The following ITPR1 variants were observed in gnomAD, a reference collection of about 807,000 sequenced individuals.
ITPR1 encodes the protein inositol 1,4,5-trisphosphate-gated calcium channel ITPR1.
In ITPR1, 96 loss-of-function variants were observed where a neutral mutation model predicts 318.4. That is an observed-to-expected ratio of 0.30 (90% confidence interval 0.26 to 0.36). The LOEUF (loss-of-function observed/expected upper bound fraction) is 0.36. Among genes scored for constraint, ITPR1 ranks in the 10% least tolerant of loss-of-function variants. ITPR1 has a pLI of 1.00. For missense variants in ITPR1, 2,440 were observed against 3,460.2 expected, an observed-to-expected ratio of 0.71 and a Z score of 7.40; for synonymous variants, 1,312 against 1,289.9, an observed-to-expected ratio of 1.02 and a Z score of -0.37.
At chr3:4,839,302 G>A (rs2051165481) in intron 61 of ITPR1, among the ~76,000 whole-genome samples, 1 of 151,966 alleles carries the variant, frequency 6.6e-6, no homozygotes, top group East Asian at 1.9e-4. Flanking sequence ...ACTCCAGCCT[G>A]GGCAACAAGA....
In ITPR1 at chr3:4,726,091, A is replaced by ACAACCTTGGCT. The variant is rs562501108; in HGVS notation, c.5172+513_5172+523dup. 4.5e-4 allele frequency among the ~76,000 whole-genome samples: 68 copies of ACAACCTTGGCT among 152,296 alleles called. 1 individual carries two copies. In the East Asian group the frequency reaches 0.013, roughly 29 times the overall value. ...GTCACCCAGGCTGGAGTGCAGTGGC[A>ACAACCTTGGCT]CAACCTTGGCTCACTGCAACCTCTG... On this transcript the variant is annotated intron_variant, in intron 41 of 61. Coordinates refer to ENST00000649015, the MANE Select transcript of ITPR1 (RefSeq NM_001378452.1).
intron 60 of ITPR1, among the ~76,000 whole-genome samples, chr3:4,828,498 C>T (rs1005731770): frequency 6.6e-6 from 1 of 152,146 alleles, no homozygotes; most frequent in Non-Finnish European, 1.5e-5. Context: ...CCGGCCCCAC[C>T]TTTTTCTCCT....
chr3:4,524,097 G>C (rs917092294), intron 4 of ITPR1, among the ~76,000 whole-genome samples: 2 of 152,174 alleles, frequency 1.3e-5, no homozygotes, highest in African/African-American at 4.8e-5. Flanking sequence ...TCTGCTGCAG[G>C]CTTTGGGAAT....
At chr3:4,629,966 G>A (rs991940432) in intron 5 of ITPR1, among the ~76,000 whole-genome samples, 2 of 152,182 alleles carry the variant, frequency 1.3e-5, no homozygotes, top group East Asian at 3.9e-4. Context: ...GAATAATGAT[G>A]ATTATATCAG....
rs2041250168 is a variant in ITPR1 at position 4,710,204 on chromosome 3, C to G, written c.4843-121C>G. The G allele has an allele frequency of 3.3e-6, 3 of 904,116 alleles. No individual in the cohort carries two copies. The highest frequency in any genetic ancestry group is 3.1e-6 in the Non-Finnish European group (2 of 646,844). 56.0% of individuals were successfully genotyped at this position (904,116 alleles called of 1,614,324 possible). On this transcript the variant is annotated intron_variant, in intron 37 of 61. Coordinates refer to ENST00000649015, the MANE Select transcript of ITPR1 (RefSeq NM_001378452.1). This position sits in a 1 kb window ranked among gnomAD's most constrained non-coding sequence, Gnocchi z 4.2. ...TAATAATTTGAGATGCCAGACGGTA[C>G]TAAAGTTACTCTAACCTAGCCTACC...
intron 18 of ITPR1, among the ~76,000 whole-genome samples, chr3:4,667,983 T>C (rs903317635): frequency 9.2e-5 from 14 of 152,148 alleles, no homozygotes; most frequent in African/African-American, 3.1e-4. Context: ...ACATGAGATG[T>C]TTTGATGTAG....
At position 4,605,930 on chromosome 3, in the gene ITPR1, A is replaced by G. The variant is rs79561534; in HGVS notation, c.164-21833A>G. The stretch of plus-strand genomic sequence containing the variant: ...GGAGTGGGGCCGACATCAGACAGGA[A>G]AGAGAGAAGGGATCGTGGGGAGGAA... On this transcript the variant is annotated intron_variant, in intron 4 of 61. Coordinates refer to ENST00000649015, the MANE Select transcript of ITPR1 (RefSeq NM_001378452.1). Among the ~76,000 whole-genome samples, 171 of 152,242 alleles carry G rather than the reference A, an allele frequency of 1.1e-3. 1 individual carries two copies. In the East Asian group the frequency reaches 0.027, roughly 24 times the overall value.
At chr3:4,831,601 AACAG>A (rs767926390) in intron 60 of ITPR1, among the ~76,000 whole-genome samples, 11 of 152,188 alleles carry the variant, frequency 7.2e-5, no homozygotes, top group East Asian at 3.8e-4. Flanking sequence ...GATAATTCAC[AACAG>A]ACAAAGCGTC....
At chr3:4,624,614 G>A (rs1381527411) in intron 4 of ITPR1, among the ~76,000 whole-genome samples, 2 of 145,976 alleles carry the variant, frequency 1.4e-5, no homozygotes, top group Admixed American at 7.0e-5. Flanking sequence ...AGGTTACAGT[G>A]AGCCGAGATC....
intron 60 of ITPR1, among the ~76,000 whole-genome samples, chr3:4,820,896 G>T (rs1275833177): frequency 6.6e-6 from 1 of 152,196 alleles, no homozygotes; most frequent in African/African-American, 2.4e-5. Context: ...CATTTGGTGG[G>T]GGTGGGGGCT....
intron 54 of ITPR1, among the ~76,000 whole-genome samples, 151 bp downstream of exon 54, chr3:4,800,751 G>T (rs2048175006): frequency 6.6e-6 from 1 of 152,238 alleles, no homozygotes. Flanking sequence ...GGGGATGGCT[G>T]CAGGTGGACG....
At chr3:4,595,395 A>T (rs980927086) in intron 4 of ITPR1, among the ~76,000 whole-genome samples, 1 of 152,192 alleles carries the variant, frequency 6.6e-6, no homozygotes, top group Admixed American at 6.5e-5. Flanking sequence ...GTGAGAACTC[A>T]CTGTCACAAT....
intron 44 of ITPR1, 63 bp downstream of exon 44, chr3:4,735,417 G>A: frequency 2.2e-6 from 3 of 1,371,892 alleles, no homozygotes; most frequent in Non-Finnish European, 3.1e-6. Context: ...GTCTGTTCTG[G>A]GAGCCAGATG....
At chr3:4,783,407 C>T (rs1308984585) in intron 50 of ITPR1, among the ~76,000 whole-genome samples, 7 of 152,094 alleles carry the variant, frequency 4.6e-5, no homozygotes, top group Admixed American at 6.5e-5. Context: ...ATATTGGGCC[C>T]GAGGTTGGTG....
At chr3:4,634,882 G>A (rs1356076718) in intron 5 of ITPR1, among the ~76,000 whole-genome samples, 1 of 152,146 alleles carries the variant, frequency 6.6e-6, no homozygotes, top group African/African-American at 2.4e-5. Flanking sequence ...GGGATTACAG[G>A]CATGCACCAC....
At chr3:4,603,510 A>C (rs1474051505) in intron 4 of ITPR1, among the ~76,000 whole-genome samples, 1 of 151,632 alleles carries the variant, frequency 6.6e-6, no homozygotes, top group East Asian at 1.9e-4. Context: ...GCTCACTGCA[A>C]CCTCCACCTC....
At chr3:4,784,538 G>A (rs1358058709) in intron 51 of ITPR1, among the ~76,000 whole-genome samples, 1 of 151,558 alleles carries the variant, frequency 6.6e-6, no homozygotes, top group East Asian at 1.9e-4. Flanking sequence ...TTCCCCAAGA[G>A]GGCATTACAA....
chr3:4,630,559 CGCA>C (rs2092981940), intron 5 of ITPR1, among the ~76,000 whole-genome samples: 1 of 117,276 alleles, frequency 8.5e-6, no homozygotes, highest in Admixed American at 9.7e-5. Flanking sequence ...TTAAATTGTC[CGCA>C]TTATTATTAT....
rs1036875231 is a variant in ITPR1, at chr3:4,520,569, C to A, written c.93-455C>A. On this transcript the variant is annotated intron_variant, in intron 3 of 61. Coordinates refer to ENST00000649015, the MANE Select transcript of ITPR1 (RefSeq NM_001378452.1). ...CTTCTGGCTGTATTTTTTTTTCTTC[C>A]TTCTCTTACAGCCCTTAGATTATAT... is the stretch of plus-strand genomic sequence containing the variant. 5.3e-5 allele frequency among the ~76,000 whole-genome samples: 8 copies of A among 152,000 alleles called. No homozygotes were observed. The East Asian group carries it at 1.3e-3, about 26-fold the overall frequency.
Sources: gnomAD v4.1 joint callset for allele counts (sites outside exome capture counted in the v4.1 genomes callset) on GRCh38, gnomAD v4.1.1 for gene constraint, Gnocchi (gnomAD v3.1) non-coding constraint, MANE v1.5 for transcripts, NCBI Gene and HGNC (gene_info 2026-07-23, HGNC 2026-07-21) for gene names.